The following PHF19 variants were observed in gnomAD, a reference collection of about 807,000 sequenced individuals.
The protein encoded by PHF19 is polycomb like 3.
In PHF19, 21 loss-of-function variants were observed where a neutral mutation model predicts 79.8. The ratio of observed to expected loss-of-function variants is 0.26; its 90% CI spans 0.19 to 0.38. The LOEUF is 0.38. Ranked by LOEUF, PHF19 falls within the 10% of genes least tolerant of loss-of-function variation. The pLI is 1.00. For missense variants in PHF19, 445 were observed against 744.2 expected (o/e 0.60, Z 4.68); for synonymous variants, 273 against 296.3 (o/e 0.92, Z 0.81).
At chr9:120,898,577 GAACT>G (rs1386789900), upstream of PHF19, among the ~76,000 whole-genome samples, 1 of 152,200 alleles carries the variant, frequency 6.6e-6, no homozygotes, top group Non-Finnish European at 1.5e-5. Flanking sequence ...AGTCTGTTCA[GAACT>G]AAAACTGGAT....
At chr9:120,896,400 A>G (rs577065977), upstream of PHF19, among the ~76,000 whole-genome samples, 1 of 148,992 alleles carries the variant, frequency 6.7e-6, no homozygotes, top group East Asian at 2.0e-4. Flanking sequence ...ACCATGAGAC[A>G]GTGTTGGTTT....
upstream of PHF19, chr9:120,895,024 C>T: frequency 2.7e-6 from 1 of 370,974 alleles, no homozygotes; most frequent in African/African-American, 2.1e-5. Context: ...ATCCCAGTCC[C>T]AGATCCCCGA....
chr9:120,867,069 G>A, intron 6 of PHF19, 104 bp from the exon 7 acceptor site: 1 of 699,514 alleles, frequency 1.4e-6, no homozygotes, highest in East Asian at 2.6e-5. Context: ...TGGCAGAAAG[G>A]GAAGAGAATT....
chr9:120,895,544 C>T (rs1262077732), upstream of PHF19, among the ~76,000 whole-genome samples: 1 of 152,014 alleles, frequency 6.6e-6, no homozygotes, highest in African/African-American at 2.4e-5. Flanking sequence ...CATAGAACCC[C>T]CCAGTGAGCT....
chr9:120,870,736 G>C lies in PHF19; in HGVS notation c.269-198C>G, dbSNP rs2045871151. Among the ~76,000 whole-genome samples the C allele has an allele frequency of 6.6e-6, 1 of 152,172 alleles. No individual in the cohort carries two copies. Among genetic ancestry groups the C allele is most frequent in the Non-Finnish European group, 1.5e-5 (1 of 68,036 alleles). ...GATGGGGAAATTGAGGCTCTGAAAG[G>C]TTAAGTCCCTTGCTTAGCTAGTAAG... On this transcript the variant is annotated intron_variant, in intron 3 of 14. Coordinates refer to ENST00000373896, the MANE Select transcript of PHF19 (RefSeq NM_015651.3). This position sits in a 1 kb window ranked among gnomAD's most constrained non-coding sequence, Gnocchi z 4.4.
At chr9:120,889,835 AAAGAAAGAACTAAC>A (rs1168666728) in intron 1 of PHF19, among the ~76,000 whole-genome samples, 1 of 148,972 alleles carries the variant, frequency 6.7e-6, no homozygotes, top group African/African-American at 2.4e-5. Context: ...AGAAAAAGAA[AAAGAAAGAACTAAC>A]AAGAAAGAAA....
At chr9:120,890,733 C>T (rs2233757) in intron 1 of PHF19, among the ~76,000 whole-genome samples, 9,057 of 152,204 alleles carry the variant, frequency 0.06, 788 homozygotes, top group African/African-American at 0.19. Context: ...TCTCCAAATC[C>T]TATCCTTCCC....
chr9:120,858,174 C>T lies in PHF19; in HGVS notation c.1513G>A (p.Glu505Lys). The T allele has an allele frequency of 1.2e-6, 2 of 1,607,536 alleles. No individual in the cohort carries two copies. The highest frequency in any genetic ancestry group is 8.5e-7 in the Non-Finnish European group (1 of 1,174,676). The change falls in exon 15 of 15, where the codon GAG (glutamate) becomes AAG (lysine). Residue 505 changes from glutamate to lysine, a missense_variant. Glu to Lys is a moderately conservative substitution (Grantham distance 56). Around this residue, in one of 5 missense-constraint regions of PHF19, gnomAD observed 125 missense variants for 180.5 expected, o/e 0.69. Transcript: ENST00000373896. ...DGRCPSDSSA[E>K]GASVPERPDE... ...GGCCGCTCGGGGACTGAAGCCCCCT[C>T]TGCACTGCTGTCCGAGGGGCAGCGT...
chr9:120,887,230 G>A (rs974661451), intron 1 of PHF19, among the ~76,000 whole-genome samples: 9 of 151,438 alleles, frequency 5.9e-5, no homozygotes, highest in South Asian at 4.2e-4. Flanking sequence ...CAAGGTGGGC[G>A]GATCACCTGA....
At chr9:120,858,430 C>A in intron 14 of PHF19, 144 bp from the exon 15 acceptor site, 1 of 588,116 alleles carries the variant, frequency 1.7e-6, no homozygotes, top group Non-Finnish European at 2.8e-6. Context: ...TTCTCCCATG[C>A]TCTCTCAAAG....
chr9:120,877,555 G>GCGCACACGACCGCT (rs2046105832), upstream of PHF19, among the ~76,000 whole-genome samples: 1 of 152,028 alleles, frequency 6.6e-6, no homozygotes, highest in African/African-American at 2.4e-5. Flanking sequence ...AGCGCTCATG[G>GCGCACACGACCGCT]CGCACACGAC....
At chr9:120,867,014 G>C in intron 6 of PHF19, 49 bp from the exon 7 acceptor site, 1 of 1,103,624 alleles carries the variant, frequency 9.1e-7, no homozygotes, top group Non-Finnish European at 1.4e-6. Flanking sequence ...CCCCCAGTCA[G>C]GTATGAGCTT....
intron 1 of PHF19, among the ~76,000 whole-genome samples, chr9:120,884,007 G>T (rs1390704922): frequency 6.6e-6 from 1 of 152,092 alleles, no homozygotes; most frequent in Non-Finnish European, 1.5e-5. Flanking sequence ...TCTAATCAGG[G>T]CTTCAGATGG....
At chr9:120,897,996 A>G (rs1413681842), upstream of PHF19, among the ~76,000 whole-genome samples, 1 of 151,428 alleles carries the variant, frequency 6.6e-6, no homozygotes, top group Non-Finnish European at 1.5e-5. Context: ...AAAAAAAAAA[A>G]AAAGAAATAT....
chr9:120,864,787 T>C (rs528247483), intron 9 of PHF19, among the ~76,000 whole-genome samples: 1 of 152,198 alleles, frequency 6.6e-6, no homozygotes, highest in African/African-American at 2.4e-5. Flanking sequence ...CTGTATCATT[T>C]AAACGATAAA....
intron 1 of PHF19, among the ~76,000 whole-genome samples, chr9:120,888,344 G>C (rs2046297055): frequency 6.6e-6 from 1 of 152,184 alleles, no homozygotes; most frequent in South Asian, 2.1e-4. Flanking sequence ...GAATTGCAGG[G>C]AGAACAAGCT....
At chr9:120,879,342 G>A (rs1055447347), upstream of PHF19, among the ~76,000 whole-genome samples, 1 of 152,236 alleles carries the variant, frequency 6.6e-6, no homozygotes, top group Non-Finnish European at 1.5e-5. Flanking sequence ...TGGCAACCTC[G>A]TGGAGGAGGC....
intron 3 of PHF19, among the ~76,000 whole-genome samples, chr9:120,872,066 A>AAAAAAG (rs1564506588): frequency 6.7e-6 from 1 of 148,492 alleles, no homozygotes; most frequent in Non-Finnish European, 1.5e-5. Flanking sequence ...AAAAAAAAAA[A>AAAAAAG]AAGAAATGGT....
At chr9:120,878,884 T>C (rs1256842643), upstream of PHF19, among the ~76,000 whole-genome samples, 2 of 152,182 alleles carry the variant, frequency 1.3e-5, no homozygotes, top group African/African-American at 4.8e-5. Flanking sequence ...AGAAGGTGTG[T>C]CCAACGCGGG....
Sources: gnomAD v4.1 joint callset for allele counts (sites outside exome capture counted in the v4.1 genomes callset) on GRCh38, gnomAD v4.1.1 for gene constraint, gnomAD v4.1.1 regional missense constraint, Gnocchi (gnomAD v3.1) non-coding constraint, MANE v1.5 for transcripts, NCBI Gene and HGNC (gene_info 2026-07-23, HGNC 2026-07-21) for gene names.